Variants in DNAJC9 observed in about 807,000 individuals in gnomAD.
DNAJC9 encodes the protein DnaJ heat shock protein family (Hsp40) member C9.
In DNAJC9, 18 loss-of-function variants were observed where a neutral mutation model predicts 32.4. That is an observed-to-expected ratio of 0.56 (90% confidence interval 0.38 to 0.82). The LOEUF (loss-of-function observed/expected upper bound fraction) is 0.82, where lower values mean the gene tolerates loss of function less well. DNAJC9 is among the 40% of genes least tolerant of loss of function. The pLI is 0.00. For synonymous variants in DNAJC9, 113 were observed against 122.1 expected, an observed-to-expected ratio of 0.93 and a Z score of 0.49; for missense variants, 310 against 321.8, an observed-to-expected ratio of 0.96 and a Z score of 0.28.
rs1383066026 is a variant in DNAJC9 at position 73,233,160 on chromosome 10, G to A, written n.147+10683C>T. On this transcript the variant is annotated intron_variant and non_coding_transcript_variant, in intron 2 of 2. Transcript: ENST00000469143. ...GTGGAAGAAATCCTCAGAGGAGCCC[G>A]AGTGTAGGTTTCAAAAGCAGAACTT... 9 of 1,548,966 alleles carry A rather than the reference G, an allele frequency of 5.8e-6. No homozygotes were observed. The East Asian group carries it at 7.3e-5, about 13-fold the overall frequency.
downstream of DNAJC9, chr10:73,239,352 C>A (rs1165133822): frequency 6.4e-7 from 1 of 1,551,624 alleles, no homozygotes; most frequent in Admixed American, 2.0e-5. Flanking sequence ...GTTGAGTATC[C>A]TCATCAGGCC....
At chr10:73,233,296 A>G in intron 2 of DNAJC9, 3 of 670,092 alleles carry the variant, frequency 4.5e-6, no homozygotes, top group Non-Finnish European at 7.6e-6. Flanking sequence ...CAGATTGCCC[A>G]TGGGTTTAGA....
Position 73,243,231 on chromosome 10 carries a change from A to G in DNAJC9, c.*169T>C. The G allele has an allele frequency of 2.9e-6, 2 of 681,182 alleles. No homozygotes were observed. The highest frequency in any genetic ancestry group is 2.8e-5 in the Admixed American group (1 of 36,250). The allele number at this position is 681,182 out of a possible 1,614,324, so 42.2% of individuals were successfully genotyped here. ...CAATGTCAAGTGCTTTCTAGGAAAT[A>G]CTAAGATCAGGTTGAGAGATTCTGC... On this transcript the variant is annotated 3_prime_UTR_variant, in exon 5 of 5. Coordinates refer to ENST00000372950, the MANE Select transcript of DNAJC9 (RefSeq NM_015190.5).
intron 3 of DNAJC9, chr10:73,244,558 A>G (rs1263160534): frequency 6.6e-6 from 1 of 152,130 alleles, no homozygotes; most frequent in East Asian, 1.9e-4. Flanking sequence ...GGTATTTCCA[A>G]TTTCTCTCCT....
chr10:73,239,305 C>A (rs1308792502), downstream of DNAJC9: 2 of 1,550,910 alleles, frequency 1.3e-6, no homozygotes, highest in East Asian at 4.9e-5. Context: ...CCTCTTTTGT[C>A]TTGTAGCTGG....
chr10:73,246,756 C>G lies in DNAJC9; in HGVS notation c.253G>C (p.Asp85His), dbSNP rs771115427. 9 of 1,613,970 alleles carry G rather than the reference C, an allele frequency of 5.6e-6. No homozygotes were observed. The highest frequency in any genetic ancestry group is 6.8e-6 in the Non-Finnish European group (8 of 1,179,968). The change falls in exon 2 of 5, where the codon GAC becomes CAC. Residue 85 changes from aspartate to histidine, a missense_variant. Coordinates refer to ENST00000372950, the MANE Select transcript of DNAJC9 (RefSeq NM_015190.5). ...TGGGTGAGCACAGGAGAGTCCTCGT[C>G]CACTGTTCCCTGCTCATCGTACACT... is the stretch of plus-strand genomic sequence containing the variant. ...RAVYDEQGTV[D>H]EDSPVLTQDR...
chr10:73,232,485 T>C (rs1350962162), intron 2 of DNAJC9, among the ~76,000 whole-genome samples: 1 of 152,220 alleles, frequency 6.6e-6, no homozygotes, highest in East Asian at 1.9e-4. Flanking sequence ...GGAGCCACAC[T>C]GGTGCCACAA....
intron 3 of DNAJC9, chr10:73,244,517 AAAAG>A (rs2043986110): frequency 6.6e-6 from 1 of 152,074 alleles, no homozygotes; most frequent in Non-Finnish European, 1.5e-5. Flanking sequence ...AAAAAAAAAA[AAAAG>A]GCAAATGATG....
downstream of DNAJC9, chr10:73,241,048 A>C (rs148020699): frequency 1.5e-5 from 19 of 1,230,604 alleles, no homozygotes; most frequent in East Asian, 4.6e-4. Flanking sequence ...ATCAGGCTGC[A>C]GGAAACACGA....
intron 2 of DNAJC9, among the ~76,000 whole-genome samples, chr10:73,233,699 A>C (rs937013968): frequency 2.6e-5 from 4 of 152,228 alleles, no homozygotes; most frequent in African/African-American, 9.6e-5. Context: ...ATCTAGCTAA[A>C]GAGTTCTATT....
intron 2 of DNAJC9, chr10:73,233,017 GGAGTT>G (rs1410938624): frequency 1.3e-6 from 2 of 1,551,802 alleles, no homozygotes; most frequent in Non-Finnish European, 1.7e-6. Flanking sequence ...ATCGAGCTGT[GGAGTT>G]TAGTACATCA....
At chr10:73,241,071 C>T, downstream of DNAJC9, 1 of 996,996 alleles carries the variant, frequency 1.0e-6, no homozygotes, top group Non-Finnish European at 1.6e-6. Context: ...TTTCATGAAG[C>T]AGTATTCAGT....
downstream of DNAJC9, chr10:73,238,806 A>G (rs1017308523): frequency 4.6e-5 from 7 of 152,360 alleles, no homozygotes; most frequent in African/African-American, 1.7e-4. Context: ...GCATTTTAAT[A>G]TTGTAGTCGT....
rs2133422651 is a variant in DNAJC9 at position 73,242,143 on chromosome 10, A to G, written c.*1257T>C. 6.6e-6 allele frequency: 1 copy of G among 152,306 alleles called. No homozygotes were observed. Among genetic ancestry groups the G allele is most frequent in the Non-Finnish European group, 1.5e-5 (1 of 68,014 alleles). 9.4% of individuals were successfully genotyped at this position (152,306 alleles called of 1,614,324 possible). On this transcript the variant is annotated 3_prime_UTR_variant, in exon 5 of 5. Transcript: ENST00000372950. ...AGATGCTTCAAACAACCTGCATTAA[A>G]TTATATTTTTAATAAAATTAAAATC...
At chr10:73,233,230 T>G in intron 2 of DNAJC9, 1 of 1,111,692 alleles carries the variant, frequency 9.0e-7, no homozygotes. Flanking sequence ...ACAGAATTAA[T>G]TTAAATATAA....
In DNAJC9 at chr10:73,246,004, T is replaced by C. The variant is rs1171218900; in HGVS notation, c.494A>G (p.Gln165Arg). ...TGGGACCTCTCCGGCGTCAATAGCTTGCTGAATGATATTCCTTATCCTGGG... is the reference window on the plus strand; with the variant it reads ...TGGGACCTCTCCGGCGTCAATAGCTCGCTGAATGATATTCCTTATCCTGGG... The part of the protein sequence containing the change: ...EEPRIRNIIQ[Q>R]AIDAGEVPSY... The change falls in exon 3 of 5, where the codon CAA (glutamine) becomes CGA (arginine). Residue 165 changes from glutamine to arginine, a missense_variant. Coordinates refer to ENST00000372950, the MANE Select transcript of DNAJC9 (RefSeq NM_015190.5). The C allele has an allele frequency of 6.2e-7, 1 of 1,613,644 alleles. No homozygotes were observed. Among genetic ancestry groups the C allele is most frequent in the Non-Finnish European group, 8.5e-7 (1 of 1,179,804 alleles).
chr10:73,241,027 G>A, downstream of DNAJC9: 1 of 1,494,134 alleles, frequency 6.7e-7, no homozygotes, highest in Admixed American at 2.0e-5. Context: ...TAAGGCAAAT[G>A]AGAAGAATCT....
At chr10:73,233,164 G>T (rs1039766170) in intron 2 of DNAJC9, 2 of 1,547,892 alleles carry the variant, frequency 1.3e-6, no homozygotes, top group Non-Finnish European at 1.7e-6. Context: ...GAGCCCGAGT[G>T]TAGGTTTCAA....
downstream of DNAJC9, chr10:73,239,407 T>G: frequency 6.5e-7 from 1 of 1,530,212 alleles, no homozygotes; most frequent in Non-Finnish European, 8.9e-7. Context: ...CCATGGCCCT[T>G]ATTTACTACT....
Sources: allele counts gnomAD v4.1 joint callset (sites outside exome capture counted in the v4.1 genomes callset), GRCh38; gene constraint gnomAD v4.1.1; transcripts MANE v1.5; gene names NCBI Gene and HGNC (gene_info 2026-07-23, HGNC 2026-07-21).